PLPP3: variants seen among roughly 807,000 people sequenced by gnomAD.
PLPP3 encodes the protein phospholipid phosphatase 3, also known as PAP2 beta.
In PLPP3, 6 loss-of-function variants were observed where a neutral mutation model predicts 29.6. That is an observed-to-expected ratio of 0.20 (90% CI 0.11 to 0.40). PLPP3 has a LOEUF of 0.40. Ranked by LOEUF, PLPP3 falls within the 10% of genes least tolerant of loss-of-function variation. The probability of loss-of-function intolerance (pLI) is 1.00; values close to 1 mark genes in which losing one functional copy is unlikely to be tolerated. For synonymous variants in PLPP3, 152 were observed against 159.7 expected (o/e 0.95, Z 0.36); for missense variants, 308 against 407.7 (o/e 0.76, Z 2.11).
intron 4 of PLPP3, among the ~76,000 whole-genome samples, chr1:56,519,986 C>T (rs953035045): frequency 6.6e-6 from 1 of 152,122 alleles, no homozygotes; most frequent in African/African-American, 2.4e-5. Context: ...ATTCTCTGAA[C>T]TCGATGGTAA....
intron 2 of PLPP3, among the ~76,000 whole-genome samples, chr1:56,531,774 C>T (rs1169153064): frequency 6.6e-6 from 1 of 152,206 alleles, no homozygotes; most frequent in Non-Finnish European, 1.5e-5. Context: ...GGGCTAGTCA[C>T]TTCAACCTTA....
chr1:56,573,767 T>C (rs1646216243), intron 1 of PLPP3, among the ~76,000 whole-genome samples: 1 of 152,164 alleles, frequency 6.6e-6, no homozygotes, highest in Admixed American at 6.5e-5. Flanking sequence ...TCCATAAATA[T>C]AACTGCCTAC....
intron 1 of PLPP3, among the ~76,000 whole-genome samples, chr1:56,554,754 T>C (rs893406720): frequency 1.3e-5 from 2 of 152,122 alleles, no homozygotes; most frequent in African/African-American, 2.4e-5. Context: ...AAACAGCCTA[T>C]GTAGAGTTTT....
chr1:56,578,981 C>T lies in PLPP3; in HGVS notation c.36G>A (p.Pro12=), dbSNP rs777724438. 3.1e-6 allele frequency: 5 copies of T among 1,602,290 alleles called. No individual in the cohort carries two copies. In the South Asian group the frequency reaches 3.3e-5, roughly 11 times the overall value. ...QNYKYDKAIV[P]ESKNGGSPAL... is the part of the protein sequence containing the mutation. ...CCGGGCTGCCGCCGTTCTTGCTCTCCGGGACGATCGCTTTGTCGTACTTGT... is the reference window on the plus strand; with the variant it reads ...CCGGGCTGCCGCCGTTCTTGCTCTCTGGGACGATCGCTTTGTCGTACTTGT... The change falls in exon 1 of 6, where the codon CCG becomes CCA. Residue 12 remains proline, a synonymous_variant. Transcript: ENST00000371250.
At chr1:56,532,437 T>C (rs928922404) in intron 2 of PLPP3, among the ~76,000 whole-genome samples, 11 of 152,168 alleles carry the variant, frequency 7.2e-5, no homozygotes, top group Admixed American at 3.3e-4. Context: ...TTGAGGAACC[T>C]TGTTTTCTTG....
intron 5 of PLPP3, among the ~76,000 whole-genome samples, chr1:56,509,974 A>G (rs761197337): frequency 1.3e-4 from 20 of 152,176 alleles, no homozygotes; most frequent in Admixed American, 4.6e-4. Flanking sequence ...ACAAGTCAGA[A>G]CCTTCATTTC....
chr1:56,523,778 GA>G, intron 4 of PLPP3, 44 bp downstream of exon 4: 1 of 1,572,394 alleles, frequency 6.4e-7, no homozygotes, highest in Non-Finnish European at 8.8e-7. Context: ...AGAAGGGATC[GA>G]AGCTGGAACT....
chr1:56,552,223 A>T (rs1314472604), intron 1 of PLPP3, among the ~76,000 whole-genome samples: 2 of 77,872 alleles, frequency 2.6e-5, no homozygotes, highest in African/African-American at 3.8e-5. Flanking sequence ...AGGCACTTAT[A>T]AAAAAAAAAA....
At position 56,524,296 on chromosome 1, in the gene PLPP3, T is replaced by C. The variant is rs1486857859; in HGVS notation, c.556A>G (p.Ser186Gly). 1.9e-6 allele frequency: 3 copies of C among 1,613,662 alleles called. No homozygotes were observed. The highest frequency in any genetic ancestry group is 2.7e-5 in the African/African-American group (2 of 74,920). Residue 186 changes from serine (S) to glycine (G), a missense_variant, in exon 3 of 6, where the codon AGC becomes GGC. Physicochemically the swap from Ser to Gly is moderately conservative, Grantham distance 56. Coordinates refer to ENST00000371250, the MANE Select transcript of PLPP3 (RefSeq NM_003713.5). This position sits in a 1 kb window ranked among gnomAD's most constrained non-coding sequence, Gnocchi z 4.3. ...IQNYRCRGDD[S>G]KVQEARKSFF... The stretch of plus-strand genomic sequence containing the variant: ...TCTCACCTGGCTTCCTGGACTTTGC[T>C]GTCATCACCTCTGCATCTGTAGTTC...
intron 4 of PLPP3, among the ~76,000 whole-genome samples, chr1:56,519,362 C>T (rs1459871744): frequency 6.6e-6 from 1 of 152,112 alleles, no homozygotes; most frequent in Non-Finnish European, 1.5e-5. Flanking sequence ...ACCTACATAT[C>T]CCCTTGCCCC....
chr1:56,517,618 T>C (rs920315526), intron 4 of PLPP3, among the ~76,000 whole-genome samples: 1 of 152,222 alleles, frequency 6.6e-6, no homozygotes, highest in African/African-American at 2.4e-5. Context: ...ATGATGTACA[T>C]TGAGTATATT....
chr1:56,571,036 C>T (rs764979432), intron 1 of PLPP3, among the ~76,000 whole-genome samples: 12 of 152,168 alleles, frequency 7.9e-5, no homozygotes, highest in Admixed American at 2.6e-4. Context: ...TTTCTACTGA[C>T]GCACGCAAGA....
chr1:56,562,142 G>A (rs752130113), intron 1 of PLPP3, among the ~76,000 whole-genome samples: 11 of 151,500 alleles, frequency 7.3e-5, no homozygotes, highest in Non-Finnish European at 1.5e-4. Context: ...CCCCAGAGTG[G>A]AGATGTCTGG....
intron 1 of PLPP3, among the ~76,000 whole-genome samples, chr1:56,577,938 A>T (rs1008269770): frequency 6.6e-6 from 1 of 151,556 alleles, no homozygotes. Flanking sequence ...AAAAAAAAAA[A>T]TCCTAGGCTG....
At chr1:56,575,419 C>CA (rs1208356814) in intron 1 of PLPP3, among the ~76,000 whole-genome samples, 1 of 152,142 alleles carries the variant, frequency 6.6e-6, no homozygotes, top group African/African-American at 2.4e-5. Context: ...AGTTGGAAAT[C>CA]AAAAAACATC....
intron 1 of PLPP3, among the ~76,000 whole-genome samples, chr1:56,540,675 C>CT (rs142492372): frequency 1.3e-5 from 2 of 151,836 alleles, no homozygotes; most frequent in South Asian, 2.1e-4. Context: ...AACCCGATGG[C>CT]TTTTTTTTGT....
chr1:56,501,785 A>C (rs1363435877), intron 5 of PLPP3, among the ~76,000 whole-genome samples: 4 of 152,240 alleles, frequency 2.6e-5, no homozygotes, highest in Non-Finnish European at 5.9e-5. Context: ...GAAAAAGATA[A>C]AAAGAGAGGG....
At position 56,524,370 on chromosome 1, in the gene PLPP3, A is replaced by G. The variant is rs775715678; in HGVS notation, c.482T>C (p.Val161Ala). ...IGRLRPHFLS[V>A]CNPDFSQINC... is the part of the protein sequence containing the mutation. Reference sequence around the variant, plus strand: ...GATCTGGCTGAAATCAGGGTTGCAGACACTCAAGAAGTGAGGACGCAGGCG... The same window carrying G: ...GATCTGGCTGAAATCAGGGTTGCAGGCACTCAAGAAGTGAGGACGCAGGCG... Residue 161 changes from valine (V) to alanine (A), a missense_variant, in exon 3 of 6, where the codon GTC becomes GCC. This residue lies in a region of PLPP3 where 232 missense variants were observed against 317.2 expected (regional missense o/e 0.73). Transcript: ENST00000371250. This position sits in a 1 kb window ranked among gnomAD's most constrained non-coding sequence, Gnocchi z 4.3. The G allele has an allele frequency of 1.2e-6, 2 of 1,614,120 alleles. No homozygotes were observed. Among genetic ancestry groups the G allele is most frequent in the East Asian group, 2.2e-5 (1 of 44,872 alleles).
chr1:56,559,421 T>C (rs1646106145), intron 1 of PLPP3, among the ~76,000 whole-genome samples: 1 of 43,140 alleles, frequency 2.3e-5, no homozygotes, highest in Non-Finnish European at 7.7e-5. Context: ...ATCATATGGT[T>C]AATTTTTTTT....
Sources: gnomAD v4.1 joint callset for allele counts (sites outside exome capture counted in the v4.1 genomes callset) on GRCh38, gnomAD v4.1.1 for gene constraint, gnomAD v4.1.1 regional missense constraint, Gnocchi (gnomAD v3.1) non-coding constraint, MANE v1.5 for transcripts, NCBI Gene and HGNC (gene_info 2026-07-23, HGNC 2026-07-21) for gene names.